Variants in ROBO1 observed in about 807,000 individuals in gnomAD.
ROBO1 encodes the protein roundabout guidance receptor 1, also known as roundabout homolog 1.
In ROBO1, 149 loss-of-function variants were observed where a neutral mutation model predicts 195.9. The observed-to-expected ratio is 0.76, with a 90% CI of 0.67 to 0.87. ROBO1 has a LOEUF of 0.87. Ranked by LOEUF, ROBO1 falls within the 40% of genes least tolerant of loss-of-function variation. The pLI is 0.00. For synonymous variants in ROBO1, 816 were observed against 733.2 expected (o/e 1.11, Z -1.82); for missense variants, 1,933 against 2,068.3 (o/e 0.93, Z 1.27).
intron 3 of ROBO1, among the ~76,000 whole-genome samples, chr3:79,044,955 A>C (rs547300996): frequency 6.6e-6 from 1 of 152,088 alleles, no homozygotes; most frequent in South Asian, 2.1e-4. Context: ...ATAATAAATG[A>C]AACAAATTAT....
chr3:78,867,726 C>T (rs1261430266), intron 4 of ROBO1, among the ~76,000 whole-genome samples: 2 of 152,126 alleles, frequency 1.3e-5, no homozygotes, highest in Admixed American at 6.5e-5. Context: ...ACCCAGTGAG[C>T]TCTTCAGACT....
intron 4 of ROBO1, among the ~76,000 whole-genome samples, chr3:78,793,110 GACA>G (rs979381844): frequency 3.1e-5 from 4 of 130,020 alleles, no homozygotes; most frequent in Admixed American, 1.7e-4. Context: ...GACAGAGTGA[GACA>G]ACAACAACAA....
In ROBO1 at chr3:78,667,889, T is replaced by C; in HGVS notation, c.1960A>G (p.Thr654Ala). 6.2e-7 allele frequency: 1 copy of C among 1,613,326 alleles called. No individual in the cohort carries two copies. The highest frequency in any genetic ancestry group is 8.5e-7 in the Non-Finnish European group (1 of 1,179,544). The change falls in exon 14 of 31, where the codon ACA becomes GCA. Residue 654 changes from threonine to alanine, a missense_variant. By Grantham distance (58) the Thr-to-Ala change is moderately conservative. Transcript: ENST00000464233. ...TAAGTAAATCAATATTTACCTTGTG[T>C]TTTCACTGGATCTGATATTTGGCTT... The part of the protein sequence containing the change: ...DPSQISDPVK[T>A]QDVLPTSQGV...
chr3:79,314,500 C>T (rs2033642231), intron 2 of ROBO1, among the ~76,000 whole-genome samples: 1 of 152,160 alleles, frequency 6.6e-6, no homozygotes, highest in African/African-American at 2.4e-5. Flanking sequence ...TTTGCTTCTC[C>T]TTCTGCCATG....
intron 1 of ROBO1, among the ~76,000 whole-genome samples, chr3:79,722,863 A>G (rs1166997781): frequency 6.6e-6 from 1 of 152,152 alleles, no homozygotes; most frequent in Non-Finnish European, 1.5e-5. Flanking sequence ...CCAGATCACC[A>G]TGGATGCCAG....
At chr3:78,939,299 C>T (rs776319011) in intron 3 of ROBO1, among the ~76,000 whole-genome samples, 3 of 152,130 alleles carry the variant, frequency 2.0e-5, no homozygotes, top group East Asian at 1.9e-4. Flanking sequence ...TCCTTTTTAA[C>T]GAACATCAGT....
At position 78,785,015 on chromosome 3, in the gene ROBO1, C is replaced by T. The variant is rs752779698; in HGVS notation, c.500-38115G>A. On this transcript the variant is annotated intron_variant, in intron 4 of 30. Transcript: ENST00000464233. The stretch of plus-strand genomic sequence containing the variant: ...ACAAGTACATCCAGCATATTGTGTA[C>T]CATGTCAATTTGCACAGCTTATTCA... Among the ~76,000 whole-genome samples the T allele has an allele frequency of 5.3e-4, 80 of 152,280 alleles. 1 individual carries two copies. The highest frequency in any genetic ancestry group is 3.4e-3 in the Middle Eastern group (1 of 294).
chr3:79,678,799 G>T (rs1946859277), intron 1 of ROBO1, among the ~76,000 whole-genome samples: 1 of 152,018 alleles, frequency 6.6e-6, no homozygotes, highest in Non-Finnish European at 1.5e-5. Flanking sequence ...GAGGGCCACT[G>T]CTTAGTTCTA....
intron 1 of ROBO1, among the ~76,000 whole-genome samples, chr3:79,765,759 A>T (rs892855255): frequency 6.6e-6 from 1 of 152,152 alleles, no homozygotes; most frequent in African/African-American, 2.4e-5. Context: ...CTCAATCAGT[A>T]TATTTCCTTT....
intron 1 of ROBO1, among the ~76,000 whole-genome samples, chr3:79,679,045 T>C (rs1200843200): frequency 6.6e-6 from 1 of 152,068 alleles, no homozygotes; most frequent in Non-Finnish European, 1.5e-5. Flanking sequence ...ATTAAAATCA[T>C]ATGGATATAT....
At chr3:79,331,761 T>C (rs2034446743) in intron 2 of ROBO1, among the ~76,000 whole-genome samples, 2 of 152,124 alleles carry the variant, frequency 1.3e-5, no homozygotes. Flanking sequence ...TGGAGGACAA[T>C]AGGTTACCAG....
intron 3 of ROBO1, among the ~76,000 whole-genome samples, chr3:79,021,977 C>G (rs1401042435): frequency 6.6e-6 from 1 of 152,078 alleles, no homozygotes; most frequent in Non-Finnish European, 1.5e-5. Context: ...ATGATATTTC[C>G]GAGGACAGTC....
intron 8 of ROBO1, among the ~76,000 whole-genome samples, chr3:78,694,183 T>C (rs1318172244): frequency 6.6e-6 from 1 of 152,188 alleles, no homozygotes; most frequent in Non-Finnish European, 1.5e-5. Context: ...AAATAATATA[T>C]ATTTAAAATA....
At chr3:79,763,687 G>A (rs998189278) in intron 1 of ROBO1, among the ~76,000 whole-genome samples, 3 of 152,142 alleles carry the variant, frequency 2.0e-5, no homozygotes, top group Admixed American at 6.5e-5. Context: ...TTCCCCAAGT[G>A]CTCTGACCCC....
chr3:78,751,502 A>T (rs17016511), intron 4 of ROBO1, among the ~76,000 whole-genome samples: 12,045 of 151,894 alleles, frequency 0.079, 1,017 homozygotes, highest in African/African-American at 0.22. Context: ...AGAATATAGA[A>T]CTCCAGTATG....
intron 3 of ROBO1, among the ~76,000 whole-genome samples, chr3:79,107,919 G>A (rs765115045): frequency 2.6e-5 from 4 of 151,678 alleles, no homozygotes; most frequent in Non-Finnish European, 5.9e-5. Context: ...TGTGTTAGTT[G>A]CAGTAGAATA....
chr3:79,555,792 A>G (rs1942677514), intron 2 of ROBO1, among the ~76,000 whole-genome samples: 2 of 152,172 alleles, frequency 1.3e-5, no homozygotes, highest in African/African-American at 4.8e-5. Context: ...AGCCTAACCA[A>G]AAGTAAAATT....
intron 3 of ROBO1, among the ~76,000 whole-genome samples, chr3:78,972,227 G>A (rs932531846): frequency 5.9e-5 from 9 of 152,092 alleles, no homozygotes; most frequent in Non-Finnish European, 1.2e-4. Context: ...TGAACAAAGG[G>A]CTTAGTTTGA....
At position 79,721,571 on chromosome 3, in the gene ROBO1, C is replaced by G. The variant is rs562348946; in HGVS notation, c.-51+46181G>C. On this transcript the variant is annotated intron_variant, in intron 1 of 30. Transcript: ENST00000464233. ...ATGTCTATGCTTAATTTTCTAGGCCCACTTTCAAATTTTACTAAAACAGAC... is the reference window on the plus strand; with the variant it reads ...ATGTCTATGCTTAATTTTCTAGGCCGACTTTCAAATTTTACTAAAACAGAC... Among the ~76,000 whole-genome samples, 5 of 152,244 alleles carry G rather than the reference C, an allele frequency of 3.3e-5. No individual in the cohort carries two copies. The East Asian group carries it at 9.7e-4, about 29-fold the overall frequency.
Sources: gnomAD v4.1 joint callset for allele counts (sites outside exome capture counted in the v4.1 genomes callset) on GRCh38, gnomAD v4.1.1 for gene constraint, MANE v1.5 for transcripts, NCBI Gene and HGNC (gene_info 2026-07-23, HGNC 2026-07-21) for gene names.